Variants in DCC observed in about 807,000 individuals in gnomAD.
DCC encodes netrin receptor DCC.
DCC carries 58 observed loss-of-function variants against 172.5 expected under a neutral mutation model. That is an observed-to-expected ratio of 0.34 (90% CI 0.27 to 0.42). The LOEUF is 0.42. DCC is among the 10% of genes least tolerant of loss of function. The pLI, the probability that DCC is intolerant of heterozygous loss-of-function variation, is 1.00. For synonymous variants in DCC, 709 were observed against 644.5 expected (o/e 1.10, Z -1.52); for missense variants, 1,740 against 1,791.0 (o/e 0.97, Z 0.51).
At chr18:52,505,757 G>C (rs1302748438) in intron 1 of DCC, among the ~76,000 whole-genome samples, 1 of 151,996 alleles carries the variant, frequency 6.6e-6, no homozygotes, top group Non-Finnish European at 1.5e-5. Flanking sequence ...GGGTTTACTT[G>C]AAAATTAAAA....
intron 1 of DCC, among the ~76,000 whole-genome samples, chr18:52,404,535 C>A (rs2144384700): frequency 6.6e-6 from 1 of 152,122 alleles, no homozygotes. Context: ...CAAGGACACA[C>A]ACAGTAAACC....
chr18:52,672,800 G>T (rs919712409), intron 1 of DCC, among the ~76,000 whole-genome samples: 2 of 152,116 alleles, frequency 1.3e-5, no homozygotes, highest in African/African-American at 2.4e-5. Flanking sequence ...GGGTACCAAG[G>T]CTTGTGCCTA....
intron 2 of DCC, among the ~76,000 whole-genome samples, chr18:52,892,693 A>G (rs1425912972): frequency 6.6e-6 from 1 of 152,178 alleles, no homozygotes; most frequent in African/African-American, 2.4e-5. Flanking sequence ...ATTCTGGGTC[A>G]GGTTATCAAA....
chr18:52,399,396 C>T (rs1461754354), intron 1 of DCC, among the ~76,000 whole-genome samples: 1 of 151,766 alleles, frequency 6.6e-6, no homozygotes, highest in Non-Finnish European at 1.5e-5. Context: ...AAGAAAATGT[C>T]CTTTTGTTAT....
chr18:53,261,332 G>T (rs546904531), intron 12 of DCC, among the ~76,000 whole-genome samples: 1 of 152,296 alleles, frequency 6.6e-6, no homozygotes, highest in South Asian at 2.1e-4. Context: ...TTCCTATTCA[G>T]CCATCTTGGC....
chr18:52,436,285 TACG>T (rs1987792330), intron 1 of DCC, among the ~76,000 whole-genome samples: 1 of 152,274 alleles, frequency 6.6e-6, no homozygotes, highest in African/African-American at 2.4e-5. Context: ...CTCCCATGTT[TACG>T]ACTTCACTGA....
At chr18:53,506,859 CAAAAA>C (rs34848744) in intron 27 of DCC, among the ~76,000 whole-genome samples, 4 of 133,374 alleles carry the variant, frequency 3.0e-5, no homozygotes, top group Admixed American at 7.4e-5. Flanking sequence ...GACTCCATCT[CAAAAA>C]AAAAAAAAAA....
intron 3 of DCC, among the ~76,000 whole-genome samples, chr18:52,919,332 T>C (rs958004159): frequency 6.6e-6 from 1 of 152,298 alleles, no homozygotes; most frequent in Non-Finnish European, 1.5e-5. Flanking sequence ...AATTTTTTGA[T>C]CATTAATCTA....
intron 1 of DCC, among the ~76,000 whole-genome samples, chr18:52,365,216 A>G (rs1271415920): frequency 6.6e-6 from 1 of 152,186 alleles, no homozygotes; most frequent in African/African-American, 2.4e-5. Flanking sequence ...GTGCTTTGCA[A>G]ATGTCAAGGG....
intron 2 of DCC, among the ~76,000 whole-genome samples, chr18:52,794,163 T>A (rs565678486): frequency 6.6e-6 from 1 of 152,186 alleles, no homozygotes; most frequent in Non-Finnish European, 1.5e-5. Context: ...ATTTTAGTTT[T>A]TTTTTATATT....
chr18:53,397,298 A>G lies in DCC; in HGVS notation c.2689-10A>G, dbSNP rs1189102483. On this transcript the variant is annotated splice_polypyrimidine_tract_variant and intron_variant, in intron 17 of 28. Coordinates refer to ENST00000442544, the MANE Select transcript of DCC (RefSeq NM_005215.4). ...ATTTTTTATCTCTTTGCTATTTCCT[A>G]CTTGTATAGTCAGAAGACACAACAT... 6.2e-7 allele frequency: 1 copy of G among 1,612,030 alleles called. No homozygotes were observed. Among genetic ancestry groups the G allele is most frequent in the Admixed American group, 1.7e-5 (1 of 59,940 alleles).
intron 1 of DCC, among the ~76,000 whole-genome samples, chr18:52,378,310 G>GA (rs372325684): frequency 0.034 from 4,796 of 139,946 alleles, 193 homozygotes; most frequent in African/African-American, 0.1. Context: ...GATCTCTAAA[G>GA]AAAAAAAAAA....
chr18:52,636,522 G>T (rs1423920979), intron 1 of DCC, among the ~76,000 whole-genome samples: 1 of 152,110 alleles, frequency 6.6e-6, no homozygotes, highest in Non-Finnish European at 1.5e-5. Context: ...CCAGCCCTTT[G>T]GTTTGCGTCC....
At chr18:53,264,080 A>G (rs2056638089) in intron 12 of DCC, among the ~76,000 whole-genome samples, 1 of 152,214 alleles carries the variant, frequency 6.6e-6, no homozygotes, top group Non-Finnish European at 1.5e-5. Flanking sequence ...CCATCAGCAT[A>G]GGAAACATTC....
chr18:53,435,995 T>C (rs1911916390), intron 22 of DCC, among the ~76,000 whole-genome samples: 1 of 152,330 alleles, frequency 6.6e-6, no homozygotes, highest in South Asian at 2.1e-4. Flanking sequence ...CCTTCAGATA[T>C]TCAAAATGTG....
intron 2 of DCC, among the ~76,000 whole-genome samples, chr18:52,767,348 G>C (rs1457825587): frequency 6.6e-6 from 1 of 151,972 alleles, no homozygotes; most frequent in Non-Finnish European, 1.5e-5. Context: ...ACTTTCTATG[G>C]GTCAGCAAAC....
intron 15 of DCC, among the ~76,000 whole-genome samples, chr18:53,344,887 A>G (rs79075122): frequency 7.2e-5 from 5 of 69,378 alleles, no homozygotes; most frequent in Admixed American, 6.9e-4. Context: ...TCTGTCTTGG[A>G]AAAAAAAAAA....
At chr18:52,503,398 T>C (rs2031105782) in intron 1 of DCC, among the ~76,000 whole-genome samples, 1 of 152,118 alleles carries the variant, frequency 6.6e-6, no homozygotes, top group African/African-American at 2.4e-5. Context: ...AGCAAAGTAG[T>C]CTATTTGTTG....
chr18:53,362,767 A>T (rs1200777816), intron 15 of DCC, among the ~76,000 whole-genome samples: 1 of 152,140 alleles, frequency 6.6e-6, no homozygotes, highest in Non-Finnish European at 1.5e-5. Flanking sequence ...AGAAAACAAG[A>T]AGGGACCCTT....
Sources: allele counts gnomAD v4.1 joint callset (sites outside exome capture counted in the v4.1 genomes callset), GRCh38; gene constraint gnomAD v4.1.1; transcripts MANE v1.5; gene names NCBI Gene and HGNC (gene_info 2026-07-23, HGNC 2026-07-21).